Variants in FOCAD observed in about 807,000 individuals in gnomAD.
FOCAD encodes KIAA1797.
In FOCAD, 198 loss-of-function variants were observed where a neutral mutation model predicts 225.6. That is an observed-to-expected ratio of 0.88 (90% confidence interval 0.78 to 0.99). The LOEUF is 0.99. FOCAD is among the 50% of genes least tolerant of loss of function. The pLI is 0.00. For synonymous variants in FOCAD, 897 were observed against 755.0 expected, an observed-to-expected ratio of 1.19 and a Z score of -3.08; for missense variants, 2,713 against 2,123.6, an observed-to-expected ratio of 1.28 and a Z score of -5.46.
intron 8 of FOCAD, among the ~76,000 whole-genome samples, chr9:20,772,889 G>T (rs1183342409): frequency 6.6e-6 from 1 of 151,472 alleles, no homozygotes; most frequent in Non-Finnish European, 1.5e-5. Context: ...TGTATCTTAT[G>T]TGTAGTAGAT....
At chr9:20,876,431 G>A (rs943417970) in intron 19 of FOCAD, among the ~76,000 whole-genome samples, 1 of 152,124 alleles carries the variant, frequency 6.6e-6, no homozygotes, top group African/African-American at 2.4e-5. Context: ...AGAAAGAGAA[G>A]TGGGGGAATA....
chr9:20,752,550 T>G (rs1449536380), intron 5 of FOCAD, among the ~76,000 whole-genome samples: 1 of 152,198 alleles, frequency 6.6e-6, no homozygotes, highest in Non-Finnish European at 1.5e-5. Context: ...CATGCTGTTT[T>G]GGTTACTGTA....
intron 28 of FOCAD, among the ~76,000 whole-genome samples, chr9:20,944,181 A>G (rs561605449): frequency 6.6e-6 from 1 of 152,340 alleles, no homozygotes; most frequent in South Asian, 2.1e-4. Context: ...CTTCTTTGCT[A>G]TTAGTCAGAT....
chr9:20,889,705 A>G (rs890402150), intron 21 of FOCAD, among the ~76,000 whole-genome samples: 1 of 152,184 alleles, frequency 6.6e-6, no homozygotes, highest in African/African-American at 2.4e-5. Context: ...ATGTTTCAAA[A>G]AAAGTTCTGA....
At chr9:20,777,009 A>T (rs10811400) in intron 8 of FOCAD, among the ~76,000 whole-genome samples, 1 of 152,108 alleles carries the variant, frequency 6.6e-6, no homozygotes, top group African/African-American at 2.4e-5. Context: ...TTTCAAAACA[A>T]TGAACACATA....
At chr9:20,904,782 A>G (rs1290299721) in intron 21 of FOCAD, among the ~76,000 whole-genome samples, 2 of 152,018 alleles carry the variant, frequency 1.3e-5, no homozygotes, top group East Asian at 3.9e-4. Flanking sequence ...TTGCAACTTC[A>G]TGATTTGAAC....
intron 43 of FOCAD, among the ~76,000 whole-genome samples, chr9:20,994,312 G>A (rs1489393755): frequency 6.6e-6 from 1 of 152,234 alleles, no homozygotes; most frequent in African/African-American, 2.4e-5. Context: ...TCAGATCTGA[G>A]AAGTCATTTG....
intron 15 of FOCAD, among the ~76,000 whole-genome samples, chr9:20,854,016 C>T (rs981971509): frequency 9.9e-5 from 15 of 151,686 alleles, no homozygotes; most frequent in Non-Finnish European, 3.0e-5. Flanking sequence ...GGCTTCACTG[C>T]GTGATGATGA....
In FOCAD at chr9:20,662,527, A is replaced by C. The variant is rs1821759451; in HGVS notation, c.-78+3701A>C. Reference sequence around the variant, plus strand: ...GCCAGGGTGACTGGGGACTTTGTCCAGCCTGCATCTGGTTTCAGCTTTTTT... The same window carrying C: ...GCCAGGGTGACTGGGGACTTTGTCCCGCCTGCATCTGGTTTCAGCTTTTTT... On this transcript the variant is annotated intron_variant, in intron 2 of 45. Transcript: ENST00000380249. 2.0e-5 allele frequency among the ~76,000 whole-genome samples: 3 copies of C among 152,202 alleles called. No individual in the cohort carries two copies. In the South Asian group the frequency reaches 6.2e-4, roughly 32 times the overall value.
chr9:20,820,218 C>T, intron 12 of FOCAD, 106 bp from the exon 13 acceptor site: 2 of 752,568 alleles, frequency 2.7e-6, no homozygotes, highest in South Asian at 2.0e-5. Flanking sequence ...AGCAAGCTTT[C>T]TTCTCAGTCT....
In FOCAD at chr9:20,866,914, T is replaced by TTTTTTTTTTTTTTTTTTTC; in HGVS notation, c.2107-12_2107-11insTTTTTTTTTTTTTTTCTTT. On this transcript the variant is annotated splice_polypyrimidine_tract_variant and intron_variant, in intron 17 of 43. Transcript: ENST00000338382. ...TTTTTTTTTTTTTTTTTTTTTTTTT[T>TTTTTTTTTTTTTTTTTTTC]TTTACCCTATCTAGGACCCAATTGT... 1.0e-6 allele frequency: 1 copy of TTTTTTTTTTTTTTTTTTTC among 978,232 alleles called. No homozygotes were observed. The highest frequency in any genetic ancestry group is 1.5e-6 in the Non-Finnish European group (1 of 684,704). 60.6% of individuals were successfully genotyped at this position (978,232 alleles called of 1,614,324 possible). A position where few individuals can be genotyped will look rare whatever the true frequency, so the allele number is the denominator to read the frequency against.
intron 2 of FOCAD, among the ~76,000 whole-genome samples, chr9:20,670,944 T>C (rs184007172): frequency 5.9e-5 from 9 of 152,316 alleles, no homozygotes; most frequent in Non-Finnish European, 1.3e-4. Context: ...TATTAAAAAA[T>C]AGCAATCCTT....
intron 27 of FOCAD, among the ~76,000 whole-genome samples, chr9:20,929,813 T>G (rs1255778133): frequency 6.6e-6 from 1 of 152,226 alleles, no homozygotes; most frequent in Non-Finnish European, 1.5e-5. Context: ...GGGTTGCTAG[T>G]ATTAAAGTGT....
chr9:20,919,002 T>C (rs988274600), intron 24 of FOCAD, among the ~76,000 whole-genome samples: 2 of 152,120 alleles, frequency 1.3e-5, no homozygotes, highest in African/African-American at 4.8e-5. Flanking sequence ...GTATGGCTTG[T>C]TTTGTTCAGA....
At chr9:20,689,045 A>G (rs1224116741) in intron 1 of FOCAD, among the ~76,000 whole-genome samples, 4 of 152,204 alleles carry the variant, frequency 2.6e-5, no homozygotes, top group Non-Finnish European at 5.9e-5. Flanking sequence ...GATAGGGATG[A>G]CGATAGAGCC....
chr9:20,921,534 T>C (rs1397389035), intron 24 of FOCAD, among the ~76,000 whole-genome samples: 2 of 152,186 alleles, frequency 1.3e-5, no homozygotes, highest in Admixed American at 6.5e-5. Flanking sequence ...CTTCTATCCA[T>C]AAGTCATTGT....
At chr9:20,888,328 G>A (rs553690580) in intron 21 of FOCAD, among the ~76,000 whole-genome samples, 7 of 151,586 alleles carry the variant, frequency 4.6e-5, no homozygotes, top group Middle Eastern at 3.4e-3. Context: ...TAGTAGAGAC[G>A]GGGTTTCACC....
At chr9:20,901,038 G>A (rs1832508822) in intron 21 of FOCAD, among the ~76,000 whole-genome samples, 1 of 151,858 alleles carries the variant, frequency 6.6e-6, no homozygotes, top group Admixed American at 6.6e-5. Flanking sequence ...TCAGAGGACA[G>A]GTCTAACAAA....
intron 1 of FOCAD, among the ~76,000 whole-genome samples, chr9:20,708,033 A>T (rs1824533826): frequency 6.6e-6 from 1 of 152,164 alleles, no homozygotes; most frequent in Non-Finnish European, 1.5e-5. Context: ...CAGTACAACA[A>T]GGTGGGCATT....
Sources: gnomAD v4.1 joint callset for allele counts (sites outside exome capture counted in the v4.1 genomes callset) on GRCh38, gnomAD v4.1.1 for gene constraint, MANE v1.5 for transcripts, NCBI Gene and HGNC (gene_info 2026-07-23, HGNC 2026-07-21) for gene names.